ZNF385D: variants seen among roughly 807,000 people sequenced by gnomAD.
ZNF385D encodes the protein zinc finger protein 659.
In ZNF385D, 15 loss-of-function variants were observed where a neutral mutation model predicts 35.8. That is an observed-to-expected ratio of 0.42 (90% CI 0.28 to 0.64). ZNF385D has a LOEUF of 0.64. ZNF385D is among the 30% of genes least tolerant of loss of function. ZNF385D has a pLI of 0.23. For missense variants in ZNF385D, 474 were observed against 494.6 expected (o/e 0.96, Z 0.39); for synonymous variants, 212 against 186.8 (o/e 1.13, Z -1.10).
At chr3:21,911,233 A>T (rs993899534) in intron 3 of ZNF385D, among the ~76,000 whole-genome samples, 2 of 151,994 alleles carry the variant, frequency 1.3e-5, no homozygotes, top group Non-Finnish European at 2.9e-5. Context: ...AAGCTAAAAA[A>T]AATTAAGGTT....
chr3:21,765,063 T>C (rs982159206), intron 3 of ZNF385D, among the ~76,000 whole-genome samples: 2 of 152,118 alleles, frequency 1.3e-5, no homozygotes, highest in Admixed American at 1.3e-4. Flanking sequence ...ATGTTTTCTT[T>C]TTTCTCTGAA....
chr3:21,820,138 CTTTATT>C (rs1400245052), intron 3 of ZNF385D, among the ~76,000 whole-genome samples: 2 of 151,516 alleles, frequency 1.3e-5, no homozygotes, highest in Non-Finnish European at 3.0e-5. Flanking sequence ...TTTCATTACA[CTTTATT>C]TTTAAACAGG....
At chr3:21,602,694 G>A (rs1055857616) in intron 2 of ZNF385D, among the ~76,000 whole-genome samples, 11 of 147,856 alleles carry the variant, frequency 7.4e-5, no homozygotes, top group African/African-American at 2.1e-4. Flanking sequence ...CACCGCGCCC[G>A]GCTAATTTTT....
In ZNF385D at chr3:21,421,239, G is replaced by A; in HGVS notation, c.1163C>T (p.Thr388Ile). ...TTAGTAAGGAGCAAACAGCACAGGA[G>A]TGTGGGCGGTCCGAATGGGTCCAGG... ...PAPGPIRTAH[T>I]PVLFAPY The change falls in exon 8 of 8, where the codon ACT (threonine) becomes ATT (isoleucine). Residue 388 changes from threonine (T) to isoleucine (I), a missense_variant. Thr to Ile is a moderately conservative substitution (Grantham distance 89). Transcript: ENST00000281523. The A allele has an allele frequency of 6.2e-7, 1 of 1,614,068 alleles. No homozygotes were observed. Among genetic ancestry groups the A allele is most frequent in the Non-Finnish European group, 8.5e-7 (1 of 1,179,992 alleles).
At chr3:21,882,062 A>T (rs1175954346) in intron 3 of ZNF385D, among the ~76,000 whole-genome samples, 1 of 152,018 alleles carries the variant, frequency 6.6e-6, no homozygotes, top group African/African-American at 2.4e-5. Context: ...TGCTTTGAAC[A>T]TTGTTTGAAA....
chr3:22,026,062 T>C (rs998541293), intron 3 of ZNF385D, among the ~76,000 whole-genome samples: 13 of 152,120 alleles, frequency 8.5e-5, no homozygotes, highest in African/African-American at 2.7e-4. Flanking sequence ...AGCTCTGGCA[T>C]TGTCTAATTA....
chr3:21,706,805 G>T (rs1490162573), intron 1 of ZNF385D, among the ~76,000 whole-genome samples: 1 of 146,212 alleles, frequency 6.8e-6, no homozygotes, highest in Non-Finnish European at 1.5e-5. Flanking sequence ...TAGACACAAA[G>T]ATAATAGATG....
chr3:21,514,554 A>C (rs998994533), intron 3 of ZNF385D, among the ~76,000 whole-genome samples: 2 of 152,096 alleles, frequency 1.3e-5, no homozygotes, highest in Non-Finnish European at 2.9e-5. Context: ...AAGTAGCGGA[A>C]TCTAAATCAG....
At chr3:22,156,647 A>G (rs905195519) in intron 3 of ZNF385D, among the ~76,000 whole-genome samples, 2 of 152,116 alleles carry the variant, frequency 1.3e-5, no homozygotes, top group African/African-American at 2.4e-5. Flanking sequence ...CCTCCATAGC[A>G]GACTTTTCCT....
At chr3:21,633,530 A>T (rs1371450301) in intron 2 of ZNF385D, among the ~76,000 whole-genome samples, 1 of 152,146 alleles carries the variant, frequency 6.6e-6, no homozygotes, top group Admixed American at 6.6e-5. Context: ...TGGATAAATT[A>T]TCAAGAGATT....
chr3:21,501,471 C>T (rs891258607), intron 4 of ZNF385D, among the ~76,000 whole-genome samples: 3 of 152,182 alleles, frequency 2.0e-5, no homozygotes, highest in Non-Finnish European at 2.9e-5. Flanking sequence ...GTTTTTACAA[C>T]GAACTCAGTA....
intron 2 of ZNF385D, among the ~76,000 whole-genome samples, chr3:22,219,623 G>C (rs1698130931): frequency 6.6e-6 from 1 of 152,074 alleles, no homozygotes; most frequent in African/African-American, 2.4e-5. Flanking sequence ...TTGGTGTTCA[G>C]AATATTTCAG....
intron 3 of ZNF385D, among the ~76,000 whole-genome samples, chr3:21,979,424 T>C (rs746109585): frequency 1.3e-5 from 2 of 152,192 alleles, no homozygotes; most frequent in Non-Finnish European, 2.9e-5. Context: ...TATCCAATAT[T>C]TGACAGCTAG....
chr3:22,139,545 C>T (rs558460067), intron 3 of ZNF385D, among the ~76,000 whole-genome samples: 1 of 149,724 alleles, frequency 6.7e-6, no homozygotes, highest in Non-Finnish European at 1.5e-5. Context: ...TGTTCTCACT[C>T]ATAGGTGGGA....
chr3:22,091,927 A>T (rs1701355219), intron 3 of ZNF385D, among the ~76,000 whole-genome samples: 1 of 152,184 alleles, frequency 6.6e-6, no homozygotes, highest in Non-Finnish European at 1.5e-5. Context: ...TTTGAGGAGT[A>T]ATTAATATAG....
At chr3:21,604,333 T>C (rs889949825) in intron 2 of ZNF385D, among the ~76,000 whole-genome samples, 9 of 152,162 alleles carry the variant, frequency 5.9e-5, no homozygotes, top group African/African-American at 2.2e-4. Flanking sequence ...TGACTGCCAA[T>C]GTGAAGAAAG....
chr3:21,738,406 C>T (rs1157250540), intron 1 of ZNF385D, among the ~76,000 whole-genome samples: 1 of 152,178 alleles, frequency 6.6e-6, no homozygotes, highest in East Asian at 1.9e-4. Flanking sequence ...ATAATTCTTC[C>T]ATAACAGGGC....
intron 2 of ZNF385D, among the ~76,000 whole-genome samples, chr3:22,215,186 C>A (rs1165436020): frequency 1.3e-5 from 2 of 151,928 alleles, no homozygotes; most frequent in African/African-American, 4.8e-5. Context: ...TCTTTCTTAA[C>A]TGCACAAATT....
At chr3:22,094,869 C>A (rs1701529960) in intron 3 of ZNF385D, among the ~76,000 whole-genome samples, 1 of 151,964 alleles carries the variant, frequency 6.6e-6, no homozygotes, top group African/African-American at 2.4e-5. Flanking sequence ...CTCATGGTTG[C>A]CAGATATTAT....
Sources: allele counts gnomAD v4.1 joint callset (sites outside exome capture counted in the v4.1 genomes callset), GRCh38; gene constraint gnomAD v4.1.1; transcripts MANE v1.5; gene names NCBI Gene and HGNC (gene_info 2026-07-23, HGNC 2026-07-21).